The following CACNA1C variants were observed in gnomAD, a reference collection of about 807,000 sequenced individuals.
CACNA1C encodes calcium voltage-gated channel subunit alpha1 C, also known as voltage-dependent L-type calcium channel subunit alpha-1C.
CACNA1C carries 30 observed loss-of-function variants against 229.0 expected under a neutral mutation model. That is an observed-to-expected ratio of 0.13 (90% CI 0.10 to 0.18). The LOEUF is 0.18. CACNA1C is among the 10% of genes least tolerant of loss of function. The pLI, the probability that CACNA1C is intolerant of heterozygous loss-of-function variation, is 1.00. For synonymous variants in CACNA1C, 1,114 were observed against 1,132.5 expected (o/e 0.98, Z 0.33); for missense variants, 1,658 against 2,845.0 (o/e 0.58, Z 9.49).
intron 3 of CACNA1C, among the ~76,000 whole-genome samples, chr12:2,306,599 A>T (rs1316051029): frequency 6.6e-6 from 1 of 152,116 alleles, no homozygotes; most frequent in African/African-American, 2.4e-5. Flanking sequence ...TCTTTCCCCA[A>T]ACTCTGCACA....
intron 1 of CACNA1C, chr12:2,004,499 G>T: frequency 2.0e-6 from 3 of 1,522,814 alleles, no homozygotes; most frequent in Admixed American, 2.0e-5. Context: ...CAGAACGAGC[G>T]AGCTGCCTCG....
chr12:2,566,319 C>A lies in CACNA1C; in HGVS notation c.1509-103C>A. The stretch of plus-strand genomic sequence containing the variant: ...ACCAGATTGGGCTGCTCTAGCAAGG[C>A]CAGATCAGTGAGGGGCGAGAAGAGC... On this transcript the variant is annotated intron_variant, in intron 11 of 46. Coordinates refer to ENST00000399655, the MANE Select transcript of CACNA1C (RefSeq NM_000719.7). This position sits in a 1 kb window ranked among gnomAD's most constrained non-coding sequence, Gnocchi z 4.0. The A allele has an allele frequency of 1.8e-6, 2 of 1,118,296 alleles. No homozygotes were observed. Among genetic ancestry groups the A allele is most frequent in the Non-Finnish European group, 2.5e-6 (2 of 788,188 alleles). The allele number at this position is 1,118,296 out of a possible 1,614,324, so 69.3% of individuals were successfully genotyped here.
intron 3 of CACNA1C, among the ~76,000 whole-genome samples, chr12:2,231,820 A>G (rs1485978577): frequency 6.6e-6 from 1 of 152,200 alleles, no homozygotes; most frequent in East Asian, 1.9e-4. Context: ...TTTGACCGGT[A>G]GGCAGGTTAT....
intron 3 of CACNA1C, among the ~76,000 whole-genome samples, chr12:2,347,949 G>A (rs369273699): frequency 2.0e-5 from 3 of 152,240 alleles, no homozygotes; most frequent in Admixed American, 6.5e-5. Context: ...GGCCAGGAGC[G>A]GGAGGATTAT....
At chr12:2,496,811 C>T (rs879797991) in intron 7 of CACNA1C, among the ~76,000 whole-genome samples, 8 of 152,098 alleles carry the variant, frequency 5.3e-5, no homozygotes, top group Non-Finnish European at 7.4e-5. Context: ...GGGTGGATAC[C>T]GGGGATTTGG....
intron 29 of CACNA1C, among the ~76,000 whole-genome samples, chr12:2,619,168 G>C (rs12311629): frequency 6.6e-6 from 1 of 152,138 alleles, no homozygotes. Flanking sequence ...CTGAGCAGAC[G>C]GGACAGGAAG....
intron 1 of CACNA1C, among the ~76,000 whole-genome samples, chr12:1,980,767 T>C (rs906628637): frequency 9.9e-5 from 15 of 151,880 alleles, no homozygotes; most frequent in Non-Finnish European, 4.4e-5. Flanking sequence ...AAAACATCGA[T>C]AGCATAAGCT....
chr12:2,186,492 C>CT (rs1338152871), intron 3 of CACNA1C, among the ~76,000 whole-genome samples: 4 of 152,018 alleles, frequency 2.6e-5, no homozygotes, highest in Non-Finnish European at 4.4e-5. Flanking sequence ...CTTGCCTTCA[C>CT]TTTTTTTTAT....
chr12:2,364,687 C>T (rs1464378761), intron 3 of CACNA1C, among the ~76,000 whole-genome samples: 1 of 152,084 alleles, frequency 6.6e-6, no homozygotes, highest in African/African-American at 2.4e-5. Flanking sequence ...GGGCTCACTT[C>T]CGAGAAAGAG....
chr12:2,302,748 A>C (rs916128253), intron 3 of CACNA1C, among the ~76,000 whole-genome samples: 3 of 152,236 alleles, frequency 2.0e-5, no homozygotes, highest in African/African-American at 7.2e-5. Context: ...TGACTCTTAC[A>C]TAACATTCAT....
At chr12:2,033,179 G>A (rs2048517727) in intron 1 of CACNA1C, among the ~76,000 whole-genome samples, 1 of 152,116 alleles carries the variant, frequency 6.6e-6, no homozygotes, top group South Asian at 2.1e-4. Flanking sequence ...GACGTACAAG[G>A]AACCCTGAGG....
At chr12:2,477,133 G>A (rs2099633975) in intron 5 of CACNA1C, among the ~76,000 whole-genome samples, 1 of 152,230 alleles carries the variant, frequency 6.6e-6, no homozygotes, top group South Asian at 2.1e-4. Context: ...AACATGATCT[G>A]TGAGATTCAT....
chr12:2,511,950 T>C (rs2099785041), intron 8 of CACNA1C, among the ~76,000 whole-genome samples: 1 of 152,220 alleles, frequency 6.6e-6, no homozygotes, highest in Non-Finnish European at 1.5e-5. Flanking sequence ...TGTATTTTTC[T>C]ATTCTGATTG....
chr12:2,450,222 C>G (rs1019510888), intron 4 of CACNA1C, among the ~76,000 whole-genome samples: 5 of 152,062 alleles, frequency 3.3e-5, no homozygotes, highest in African/African-American at 1.2e-4. Context: ...ATATTTGTAC[C>G]TAACAGGCCT....
intron 1 of CACNA1C, among the ~76,000 whole-genome samples, chr12:2,106,798 T>C (rs1283041679): frequency 1.7e-4 from 18 of 103,438 alleles, no homozygotes; most frequent in African/African-American, 4.9e-4. Context: ...AGCCACTGGG[T>C]GCTCACCCCG....
chr12:2,615,845 G>A (rs753055834), intron 29 of CACNA1C, among the ~76,000 whole-genome samples: 5 of 152,200 alleles, frequency 3.3e-5, no homozygotes, highest in African/African-American at 9.6e-5. Flanking sequence ...TGCAGGAGGC[G>A]ATGAGTGAGA....
intron 3 of CACNA1C, among the ~76,000 whole-genome samples, chr12:2,427,142 G>C (rs1381534034): frequency 6.6e-6 from 1 of 152,174 alleles, no homozygotes; most frequent in African/African-American, 2.4e-5. Flanking sequence ...GCTAGAGAGT[G>C]GGAAGGACCT....
At chr12:2,444,613 T>C (rs562207670) in intron 3 of CACNA1C, among the ~76,000 whole-genome samples, 41 of 152,068 alleles carry the variant, frequency 2.7e-4, no homozygotes, top group Non-Finnish European at 5.3e-4. Flanking sequence ...CTTCAGCAAG[T>C]TCATAACTGA....
chr12:2,291,674 G>A (rs1018504453), intron 3 of CACNA1C, among the ~76,000 whole-genome samples: 3 of 152,200 alleles, frequency 2.0e-5, no homozygotes, highest in South Asian at 2.1e-4. Flanking sequence ...AAATGGCAGC[G>A]TTTGGAAGTG....
Sources: allele counts gnomAD v4.1 joint callset (sites outside exome capture counted in the v4.1 genomes callset), GRCh38; gene constraint gnomAD v4.1.1; non-coding constraint Gnocchi (gnomAD v3.1); transcripts MANE v1.5; gene names NCBI Gene and HGNC (gene_info 2026-07-23, HGNC 2026-07-21).